CHDH: variants seen among roughly 807,000 people sequenced by gnomAD.
CHDH encodes choline dehydrogenase, mitochondrial.
CHDH carries 43 observed loss-of-function variants against 56.9 expected under a neutral mutation model. That is an observed-to-expected ratio of 0.76 (90% CI 0.59 to 0.97). The LOEUF is 0.97. Among genes scored for constraint, CHDH ranks in the 50% least tolerant of loss-of-function variants. The probability of loss-of-function intolerance (pLI) is 0.00; values close to 1 mark genes in which losing one functional copy is unlikely to be tolerated. For missense variants in CHDH, 816 were observed against 821.1 expected, an observed-to-expected ratio of 0.99 and a Z score of 0.08; for synonymous variants, 364 against 348.5, an observed-to-expected ratio of 1.04 and a Z score of -0.50.
intron 1 of CHDH, among the ~76,000 whole-genome samples, chr3:53,842,435 A>C (rs1353020874): frequency 6.6e-6 from 1 of 152,162 alleles, no homozygotes; most frequent in Non-Finnish European, 1.5e-5. Flanking sequence ...GGCTAACTTC[A>C]TCACCCCTGT....
intron 2 of CHDH, among the ~76,000 whole-genome samples, chr3:53,835,246 T>C (rs770539344): frequency 1.3e-5 from 2 of 152,196 alleles, no homozygotes; most frequent in Non-Finnish European, 2.9e-5. Flanking sequence ...TCCATCCACA[T>C]GAAAGGACCC....
intron 6 of CHDH, among the ~76,000 whole-genome samples, 171 bp downstream of exon 6, chr3:53,820,303 T>C (rs1481715743): frequency 2.0e-5 from 3 of 152,162 alleles, no homozygotes; most frequent in Non-Finnish European, 2.9e-5. Context: ...ACCTGTCAGG[T>C]TGAAACTGTG....
chr3:53,823,542 C>T lies in CHDH; in HGVS notation c.467G>A (p.Arg156His), dbSNP rs911414140. The T allele has an allele frequency of 8.4e-6, 13 of 1,542,434 alleles. No individual in the cohort carries two copies. Among genetic ancestry groups the T allele is most frequent in the African/African-American group, 4.1e-5 (3 of 73,060 alleles). ...CAGGCAGTGCGCGTAGTCCCAGCCG[C>T]GGGCGCCCTGGCGCTGCCAGCGCTC... Reference protein sequence around the residue: ...DYERWQRQGARGWDYAHCLPY... With the variant: ...DYERWQRQGAHGWDYAHCLPY... Residue 156 changes from arginine to histidine, a missense_variant, in exon 3 of 9, where the codon CGC becomes CAC. Coordinates refer to ENST00000315251, the MANE Select transcript of CHDH (RefSeq NM_018397.5).
rs1162383070 is a variant in CHDH, at chr3:53,819,996, G to T, written c.1121-322C>A. Among the ~76,000 whole-genome samples the T allele has an allele frequency of 6.6e-6, 1 of 152,254 alleles. No homozygotes were observed. The highest frequency in any genetic ancestry group is 2.4e-5 in the African/African-American group (1 of 41,478). On this transcript the variant is annotated intron_variant, in intron 6 of 8. Transcript: ENST00000315251. This position sits in a 1 kb window ranked among gnomAD's most constrained non-coding sequence, Gnocchi z 5.4. ...ACAGCACACAGCACATACTAGGTGTGTGAGAAATACAGACTGAGTGGATGG... is the reference window on the plus strand; with the variant it reads ...ACAGCACACAGCACATACTAGGTGTTTGAGAAATACAGACTGAGTGGATGG...
chr3:53,823,373 C>A lies in CHDH; in HGVS notation c.636G>T (p.Pro212=). 1 of 1,604,920 alleles carries A rather than the reference C, an allele frequency of 6.2e-7. No homozygotes were observed. Among genetic ancestry groups the A allele is most frequent in the South Asian group, 1.1e-5 (1 of 89,638 alleles). The change falls in exon 3 of 9, where the codon CCG becomes CCT. Residue 212 remains proline (P), a synonymous_variant. Transcript: ENST00000315251. ...FLEATQQAGY[P]LTEDMNGFQQ... Reference sequence around the variant, plus strand: ...GGAAGCCATTCATGTCCTCGGTGAGCGGGTAGCCGGCCTGCTGCGTGGCCT... The same window carrying A: ...GGAAGCCATTCATGTCCTCGGTGAGAGGGTAGCCGGCCTGCTGCGTGGCCT...
chr3:53,817,413 C>A lies in CHDH; in HGVS notation c.*364G>T. 4.3e-6 allele frequency: 1 copy of A among 232,602 alleles called. No individual in the cohort carries two copies. The allele number at this position is 232,602 out of a possible 1,614,324, so 14.4% of individuals were successfully genotyped here. ...GTCTGGCAGGCACCCAGCCTCTGTG[C>A]ATGGCCTGGGAAGGAACCACTGCCC... On this transcript the variant is annotated 3_prime_UTR_variant, in exon 9 of 9. Transcript: ENST00000315251.
Position 53,840,935 on chromosome 3 carries a change from T to C in CHDH, c.-66A>G, listed in dbSNP as rs1311067270. 1.3e-5 allele frequency: 2 copies of C among 152,056 alleles called. No individual in the cohort carries two copies. The highest frequency in any genetic ancestry group is 2.9e-5 in the Non-Finnish European group (2 of 68,004). The allele number at this position is 152,056 out of a possible 1,614,324, so 9.4% of individuals were successfully genotyped here. A position where few individuals can be genotyped will look rare whatever the true frequency, so the allele number is the denominator to read the frequency against. On this transcript the variant is annotated 5_prime_UTR_variant, in exon 2 of 9. An upstream start codon of the reference 5' UTR is lost. Transcript: ENST00000315251. ...TCAGTTAAAAAATACCCACCTCACATCCAGAAGTGACAGGATACGGTGCAC... is the reference window on the plus strand; with the variant it reads ...TCAGTTAAAAAATACCCACCTCACACCCAGAAGTGACAGGATACGGTGCAC...
At chr3:53,823,267 G>T in intron 3 of CHDH, 39 bp downstream of exon 3, 2 of 1,449,570 alleles carry the variant, frequency 1.4e-6, no homozygotes, top group South Asian at 1.4e-5. Flanking sequence ...GCTGGGGTAG[G>T]GGGTAGTGCT....
chr3:53,844,911 G>A (rs1327744707), intron 1 of CHDH: 1 of 152,320 alleles, frequency 6.6e-6, no homozygotes, highest in Non-Finnish European at 1.5e-5. Flanking sequence ...TTTTCATCTG[G>A]GCTTCCGCAG....
chr3:53,823,338 C>A lies in CHDH; in HGVS notation c.671G>T (p.Gly224Val). Residue 224 changes from glycine (G) to valine (V), a missense_variant, in exon 3 of 9, where the codon GGC becomes GTC. Gly to Val is a moderately radical substitution (Grantham distance 109, BLOSUM62 -3). Coordinates refer to ENST00000315251, the MANE Select transcript of CHDH (RefSeq NM_018397.5). ...GATGGTCATGTCCATCCAGCCGAAG[C>A]CCTCCTGCTGGAAGCCATTCATGTC... ...TEDMNGFQQE[G>V]FGWMDMTIHE... 1.3e-6 allele frequency: 2 copies of A among 1,590,300 alleles called. No homozygotes were observed. Among genetic ancestry groups the A allele is most frequent in the Non-Finnish European group, 1.7e-6 (2 of 1,167,506 alleles).
chr3:53,828,568 G>A (rs957193959), intron 2 of CHDH, among the ~76,000 whole-genome samples: 5 of 152,140 alleles, frequency 3.3e-5, no homozygotes, highest in Non-Finnish European at 5.9e-5. Context: ...CAGATAACCC[G>A]ATTAAAGAAT....
chr3:53,822,014 G>A (rs2095627461), intron 4 of CHDH, among the ~76,000 whole-genome samples: 1 of 152,094 alleles, frequency 6.6e-6, no homozygotes, highest in African/African-American at 2.4e-5. Flanking sequence ...CAGGAGGGGA[G>A]GGCTTACACG....
rs778314973 is a variant in CHDH at position 53,823,838 on chromosome 3, C to G, written c.171G>C (p.Gly57=). The G allele has an allele frequency of 3.5e-5, 56 of 1,587,758 alleles. No individual in the cohort carries two copies. The highest frequency in any genetic ancestry group is 5.2e-5 in the Admixed American group (3 of 58,016). The change falls in exon 3 of 9, where the codon GGG becomes GGC. Residue 57 remains glycine (G), a synonymous_variant. Transcript: ENST00000315251. Reference sequence around the variant, plus strand: ...GCTCGGCGGGGTCCTCCGTGAGCCTCCCAGCCAGCACGCAGCCCGCCGAGC... The same window carrying G: ...GCTCGGCGGGGTCCTCCGTGAGCCTGCCAGCCAGCACGCAGCCCGCCGAGC... ...GAGSAGCVLA[G]RLTEDPAERV... is the part of the protein sequence containing the mutation.
rs2095614147 is a variant in CHDH at position 53,815,451 on chromosome 3, C to G, written c.*2326G>C. On this transcript the variant is annotated 3_prime_UTR_variant, in exon 9 of 9. Coordinates refer to ENST00000315251, the MANE Select transcript of CHDH (RefSeq NM_018397.5). Reference sequence around the variant, plus strand: ...TTCATGGCAGGGGAACGCTCAGGTTCTGGACATGTGACACTTACCATCTTT... The same window carrying G: ...TTCATGGCAGGGGAACGCTCAGGTTGTGGACATGTGACACTTACCATCTTT... The G allele has an allele frequency of 6.6e-6, 1 of 152,234 alleles. No homozygotes were observed. Among genetic ancestry groups the G allele is most frequent in the Non-Finnish European group, 1.5e-5 (1 of 68,062 alleles). The allele number at this position is 152,234 out of a possible 1,614,324, so 9.4% of individuals were successfully genotyped here.
intron 1 of CHDH, among the ~76,000 whole-genome samples, chr3:53,841,948 A>G (rs1164634445): frequency 2.6e-5 from 4 of 152,150 alleles, no homozygotes; most frequent in African/African-American, 9.7e-5. Context: ...GAAGTTCAAT[A>G]TCAGCCTCAG....
In CHDH at chr3:53,819,776, T is replaced by C; in HGVS notation, c.1121-102A>G. ...CTTTCTCCTGGCCGCTCCTCTTCCT[T>C]TTCCCGGACTCCACTCTAGTGCCTG... On this transcript the variant is annotated intron_variant, in intron 6 of 8. Transcript: ENST00000315251. The surrounding 1 kb of genome is among the most constrained non-coding windows in gnomAD (Gnocchi z 5.4). 1 of 1,370,980 alleles carries C rather than the reference T, an allele frequency of 7.3e-7. No individual in the cohort carries two copies. The allele number at this position is 1,370,980 out of a possible 1,614,324, so 84.9% of individuals were successfully genotyped here. A position where few individuals can be genotyped will look rare whatever the true frequency, so the allele number is the denominator to read the frequency against.
At position 53,812,800 on chromosome 3, in the gene CHDH, CGTG is replaced by C. The variant is rs1333938830; in HGVS notation, c.*4974_*4976del. 3.3e-5 allele frequency: 5 copies of C among 152,242 alleles called. No homozygotes were observed. Among genetic ancestry groups the C allele is most frequent in the East Asian group, 3.8e-4 (2 of 5,198 alleles). 9.4% of individuals were successfully genotyped at this position (152,242 alleles called of 1,614,324 possible). A position where few individuals can be genotyped will look rare whatever the true frequency, so the allele number is the denominator to read the frequency against. ...AGGGGTGCTGGGGACAGAGGAGCAACGTGGTGATCTATAGGATTGGAGTGTCGG... is the reference window on the plus strand; with the variant it reads ...AGGGGTGCTGGGGACAGAGGAGCAACGTGATCTATAGGATTGGAGTGTCGG... On this transcript the variant is annotated 3_prime_UTR_variant, in exon 9 of 9. Transcript: ENST00000315251.
intron 2 of CHDH, among the ~76,000 whole-genome samples, chr3:53,825,100 C>T (rs544213039): frequency 6.6e-6 from 1 of 152,328 alleles, no homozygotes; most frequent in South Asian, 2.1e-4. Flanking sequence ...CCAGGCCCCA[C>T]ACCACTCCCC....
chr3:53,832,995 G>GTA (rs1559759242), intron 2 of CHDH, among the ~76,000 whole-genome samples: 1 of 152,198 alleles, frequency 6.6e-6, no homozygotes. Context: ...AAGGGGAAAG[G>GTA]TATAAAGAAA....
Sources: allele counts gnomAD v4.1 joint callset (sites outside exome capture counted in the v4.1 genomes callset), GRCh38; gene constraint gnomAD v4.1.1; non-coding constraint Gnocchi (gnomAD v3.1); transcripts MANE v1.5; gene names NCBI Gene and HGNC (gene_info 2026-07-23, HGNC 2026-07-21).